Variants in ESRRG observed in about 807,000 individuals in gnomAD.
ESRRG encodes estrogen related receptor gamma.
Under a neutral mutation model 44.0 loss-of-function variants are expected in ESRRG, and 13 were observed. That is an observed-to-expected ratio of 0.30 (90% CI 0.19 to 0.47). The LOEUF is 0.47. ESRRG is among the 20% of genes least tolerant of loss of function. The probability of loss-of-function intolerance (pLI) is 1.00; values close to 1 mark genes in which losing one functional copy is unlikely to be tolerated. For synonymous variants in ESRRG, 215 were observed against 214.6 expected (o/e 1.00, Z -0.02); for missense variants, 395 against 580.6 (o/e 0.68, Z 3.29).
intron 6 of ESRRG, among the ~76,000 whole-genome samples, chr1:216,513,839 T>A (rs186449171): frequency 5.3e-5 from 8 of 152,298 alleles, no homozygotes; most frequent in Non-Finnish European, 1.0e-4. Flanking sequence ...ACAATTATAG[T>A]ATACTGGGTA....
At chr1:216,766,476 C>G (rs908086515) in intron 2 of ESRRG, among the ~76,000 whole-genome samples, 1 of 151,810 alleles carries the variant, frequency 6.6e-6, no homozygotes, top group African/African-American at 2.4e-5. Flanking sequence ...TTGGGGATTA[C>G]TAAGATAAAA....
At chr1:216,899,501 A>C (rs2058818671) in intron 2 of ESRRG, among the ~76,000 whole-genome samples, 1 of 152,196 alleles carries the variant, frequency 6.6e-6, no homozygotes, top group African/African-American at 2.4e-5. Flanking sequence ...TACTTCATTT[A>C]TGTTTTGCAA....
chr1:217,059,052 T>G (rs944403333), intron 1 of ESRRG, among the ~76,000 whole-genome samples: 1 of 148,792 alleles, frequency 6.7e-6, no homozygotes, highest in Non-Finnish European at 1.5e-5. Flanking sequence ...AGAATAACTA[T>G]AGTATACTAT....
intron 1 of ESRRG, among the ~76,000 whole-genome samples, chr1:216,964,279 C>G (rs1265396089): frequency 6.6e-6 from 1 of 152,134 alleles, no homozygotes; most frequent in African/African-American, 2.4e-5. Flanking sequence ...GATGTAAAAA[C>G]TGCATGTGGA....
intron 1 of ESRRG, among the ~76,000 whole-genome samples, chr1:217,081,221 CTTTTTTTT>C (rs143325476): frequency 5.7e-5 from 4 of 70,410 alleles, no homozygotes; most frequent in South Asian, 6.3e-4. Context: ...TAAAAATATT[CTTTTTTTT>C]TTTTTTTTTT....
At chr1:216,847,312 A>G (rs533409539) in intron 2 of ESRRG, among the ~76,000 whole-genome samples, 8 of 152,150 alleles carry the variant, frequency 5.3e-5, no homozygotes, top group African/African-American at 7.2e-5. Flanking sequence ...TTAAGTTGCA[A>G]TTTTAGTTTT....
At chr1:217,075,718 C>T (rs2091208640) in intron 1 of ESRRG, among the ~76,000 whole-genome samples, 1 of 151,834 alleles carries the variant, frequency 6.6e-6, no homozygotes, top group Non-Finnish European at 1.5e-5. Flanking sequence ...ATTTTTCAGT[C>T]TAAGCATGCA....
chr1:216,556,765 A>G (rs1192523831), intron 5 of ESRRG, among the ~76,000 whole-genome samples: 2 of 152,130 alleles, frequency 1.3e-5, no homozygotes, highest in Non-Finnish European at 2.9e-5. Flanking sequence ...ATAGTTGTCA[A>G]ATCACCTCCC....
At chr1:216,860,317 A>G (rs1049773735) in intron 2 of ESRRG, among the ~76,000 whole-genome samples, 3 of 152,096 alleles carry the variant, frequency 2.0e-5, no homozygotes, top group African/African-American at 4.8e-5. Flanking sequence ...GCAGACAAAG[A>G]CATTAAAACA....
intron 2 of ESRRG, among the ~76,000 whole-genome samples, chr1:216,807,910 T>C (rs908618977): frequency 1.3e-5 from 2 of 152,068 alleles, no homozygotes; most frequent in Non-Finnish European, 1.5e-5. Flanking sequence ...CAAAGCCCAA[T>C]AGAGTCATGG....
chr1:216,552,929 G>C (rs2056737830), intron 5 of ESRRG, among the ~76,000 whole-genome samples: 1 of 152,046 alleles, frequency 6.6e-6, no homozygotes. Flanking sequence ...CAGAAACAAA[G>C]CTGAAAAATC....
At chr1:216,758,983 G>A (rs571487336) in intron 2 of ESRRG, among the ~76,000 whole-genome samples, 7 of 151,958 alleles carry the variant, frequency 4.6e-5, no homozygotes, top group African/African-American at 9.7e-5. Context: ...GCTGAGAGAA[G>A]TAAAGAAACT....
intron 2 of ESRRG, among the ~76,000 whole-genome samples, chr1:216,786,553 C>T (rs2094133469): frequency 6.6e-6 from 1 of 152,088 alleles, no homozygotes; most frequent in Non-Finnish European, 1.5e-5. Context: ...CATACACAAA[C>T]TCCTACATAA....
rs115830918 is a variant in ESRRG at position 217,039,538 on chromosome 1, G to A, written c.-106+49969C>T. ...CCCATTTTCAAAACCATCAGCTCTC[G>A]TGAGACCCACTCACTATCACAAGAA... is the stretch of plus-strand genomic sequence containing the variant. On this transcript the variant is annotated intron_variant, in intron 1 of 7. Transcript: ENST00000359162. Among the ~76,000 whole-genome samples, 1,048 of 152,170 alleles carry A rather than the reference G, an allele frequency of 6.9e-3. 13 individuals are homozygous for A. The highest frequency in any genetic ancestry group is 0.023 in the African/African-American group (968 of 41,502).
At chr1:217,136,065 A>G (rs892339248) in intron 1 of ESRRG, among the ~76,000 whole-genome samples, 1 of 152,104 alleles carries the variant, frequency 6.6e-6, no homozygotes, top group African/African-American at 2.4e-5. Flanking sequence ...GAATCTCGCC[A>G]TTTATCTGAC....
At chr1:216,717,580 G>A (rs571008309) in intron 1 of ESRRG, among the ~76,000 whole-genome samples, 17 of 151,730 alleles carry the variant, frequency 1.1e-4, no homozygotes, top group African/African-American at 4.1e-4. Flanking sequence ...AATAAAGGTA[G>A]GCAATGAATC....
intron 3 of ESRRG, among the ~76,000 whole-genome samples, chr1:216,621,278 G>A (rs987758998): frequency 1.1e-4 from 16 of 152,108 alleles, no homozygotes; most frequent in African/African-American, 3.9e-4. Context: ...AATTATGCCT[G>A]TCTAGTTCAT....
intron 1 of ESRRG, among the ~76,000 whole-genome samples, chr1:216,963,247 C>T (rs935140763): frequency 6.6e-6 from 1 of 152,144 alleles, no homozygotes; most frequent in Non-Finnish European, 1.5e-5. Flanking sequence ...ATGTATATCA[C>T]GCAGTGGGAC....
intron 2 of ESRRG, among the ~76,000 whole-genome samples, chr1:216,923,531 T>C (rs1262947260): frequency 6.6e-6 from 1 of 152,222 alleles, no homozygotes; most frequent in Admixed American, 6.5e-5. Context: ...TCCATAGTTC[T>C]GCATGGGCAT....
Sources: gnomAD v4.1 joint callset for allele counts (sites outside exome capture counted in the v4.1 genomes callset) on GRCh38, gnomAD v4.1.1 for gene constraint, MANE v1.5 for transcripts, NCBI Gene and HGNC (gene_info 2026-07-23, HGNC 2026-07-21) for gene names.